Variants in JMJD1C observed in about 807,000 individuals in gnomAD.
JMJD1C encodes the protein jumonji domain containing 1C, also known as jumonji domain-containing protein 1C.
A neutral mutation model predicts 245.3 loss-of-function variants in JMJD1C; 31 were observed. The ratio of observed to expected loss-of-function variants is 0.13; its 90% confidence interval spans 0.09 to 0.17. The LOEUF (loss-of-function observed/expected upper bound fraction) is 0.17, where lower values mean the gene tolerates loss of function less well. JMJD1C is among the 10% of genes least tolerant of loss of function. JMJD1C has a pLI of 1.00. For missense variants in JMJD1C, 2,691 were observed against 3,000.2 expected (o/e 0.90, Z 2.41); for synonymous variants, 1,057 against 1,017.4 (o/e 1.04, Z -0.74).
At chr10:63,301,319 A>G (rs2133991035) in intron 2 of JMJD1C, among the ~76,000 whole-genome samples, 1 of 152,320 alleles carries the variant, frequency 6.6e-6, no homozygotes, top group African/African-American at 2.4e-5. Flanking sequence ...CCAGCCTCTG[A>G]GAATCTTTCT....
At chr10:63,211,008 C>G (rs10761724) in intron 8 of JMJD1C, among the ~76,000 whole-genome samples, 149,998 of 152,332 alleles carry the variant, frequency 0.98, 73,884 homozygotes, top group Middle Eastern at 1. Flanking sequence ...CAACTGTGGG[C>G]ATCACTGGTG....
chr10:63,469,559 T>G (rs1953423326), upstream of JMJD1C, among the ~76,000 whole-genome samples: 1 of 152,228 alleles, frequency 6.6e-6, no homozygotes, highest in Non-Finnish European at 1.5e-5. Flanking sequence ...GGTCACATCC[T>G]GCAAGGTTCT....
At chr10:63,284,834 T>C (rs1039322250) in intron 2 of JMJD1C, among the ~76,000 whole-genome samples, 1 of 148,736 alleles carries the variant, frequency 6.7e-6, no homozygotes, top group Non-Finnish European at 1.5e-5. Context: ...GTGCACAAGA[T>C]GCCATTCCCT....
chr10:63,170,144 T>C (rs1842216081), intron 24 of JMJD1C, among the ~76,000 whole-genome samples: 1 of 152,198 alleles, frequency 6.6e-6, no homozygotes, highest in African/African-American at 2.4e-5. Context: ...TTTTTTTATA[T>C]AATTTATTGA....
At chr10:63,509,074 GTTCT>G (rs1433195897) in intron 1 of JMJD1C, among the ~76,000 whole-genome samples, 1 of 152,162 alleles carries the variant, frequency 6.6e-6, no homozygotes, top group African/African-American at 2.4e-5. Flanking sequence ...TTTTTTAGAT[GTTCT>G]TTATCAGGTA....
intron 2 of JMJD1C, among the ~76,000 whole-genome samples, chr10:63,285,049 A>G (rs1470167530): frequency 6.6e-6 from 1 of 152,222 alleles, no homozygotes; most frequent in Admixed American, 6.5e-5. Flanking sequence ...ACATGGAAAT[A>G]AAGTGCAAAC....
Position 63,219,953 on chromosome 10 carries a change from T to G in JMJD1C, c.478A>C (p.Arg160=). 2.5e-6 allele frequency: 4 copies of G among 1,613,500 alleles called. No individual in the cohort carries two copies. The highest frequency in any genetic ancestry group is 3.4e-6 in the Non-Finnish European group (4 of 1,179,462). The change falls in exon 4 of 26, where the codon AGG becomes CGG. Residue 160 remains arginine (R), a synonymous_variant. Transcript: ENST00000399262. ...TCCTCATGAAGCTGCGGGTTGTCCC[T>G]GAGAACTGGGTTTAGGCTGTCTATG... ...DDIDSLNPVL[R]DNPQLHEEVK...
chr10:63,189,959 C>T (rs1844578081), intron 17 of JMJD1C, among the ~76,000 whole-genome samples: 1 of 150,522 alleles, frequency 6.6e-6, no homozygotes, highest in Non-Finnish European at 1.5e-5. Context: ...GGTGTGATCT[C>T]AGCTCACTAC....
chr10:63,177,841 A>C lies in JMJD1C; in HGVS notation c.7100T>G (p.Phe2367Cys). ...ILSKAGILKK[F>C]EEEDLDDILR... The stretch of plus-strand genomic sequence containing the variant: ...AATGTCATCCAAATCTTCTTCCTCA[A>C]ATTTCTTGAGAATTCCTGAAACAAA... The change falls in exon 23 of 26, where the codon TTT becomes TGT. Residue 2367 changes from phenylalanine (F) to cysteine (C), a missense_variant. By Grantham distance (205) the Phe-to-Cys change is radical. Coordinates refer to ENST00000399262, the MANE Select transcript of JMJD1C (RefSeq NM_032776.3). The C allele has an allele frequency of 6.2e-7, 1 of 1,611,888 alleles. No individual in the cohort carries two copies. The highest frequency in any genetic ancestry group is 2.2e-5 in the East Asian group (1 of 44,864).
At chr10:63,390,933 CAA>C (rs1948002604) in intron 1 of JMJD1C, among the ~76,000 whole-genome samples, 1 of 151,884 alleles carries the variant, frequency 6.6e-6, no homozygotes, top group Non-Finnish European at 1.5e-5. Flanking sequence ...AGAACTGGAA[CAA>C]AACAAAAAAG....
intron 1 of JMJD1C, among the ~76,000 whole-genome samples, chr10:63,506,015 T>A (rs777482179): frequency 6.6e-6 from 1 of 152,138 alleles, no homozygotes; most frequent in Non-Finnish European, 1.5e-5. Flanking sequence ...TACAGCAGTA[T>A]CCTTCTATTT....
At chr10:63,206,215 A>T (rs1217142225) in intron 10 of JMJD1C, among the ~76,000 whole-genome samples, 6 of 152,180 alleles carry the variant, frequency 3.9e-5, no homozygotes, top group African/African-American at 1.4e-4. Flanking sequence ...GTTAGAGGTA[A>T]ATATCTTAGC....
At chr10:63,297,666 G>C (rs893295053) in intron 2 of JMJD1C, among the ~76,000 whole-genome samples, 1 of 152,056 alleles carries the variant, frequency 6.6e-6, no homozygotes, top group African/African-American at 2.4e-5. Flanking sequence ...CAGAGCTTCC[G>C]TAACACTACA....
intron 16 of JMJD1C, among the ~76,000 whole-genome samples, chr10:63,191,483 T>C (rs1844790793): frequency 6.6e-6 from 1 of 152,192 alleles, no homozygotes. Flanking sequence ...CAGACAAAAC[T>C]GGCCCCAGCA....
intron 8 of JMJD1C, among the ~76,000 whole-genome samples, chr10:63,210,942 A>G (rs1364804953): frequency 1.3e-5 from 2 of 152,214 alleles, no homozygotes; most frequent in African/African-American, 4.8e-5. Flanking sequence ...CAATGGCAGC[A>G]TAATTCTGGA....
At position 63,397,590 on chromosome 10, in the gene JMJD1C, G is replaced by A. The variant is rs146064718; in HGVS notation, c.169-17108C>T. ...CTCTTGTCACCCAGGCTGGAGTACAGTGGCACAATCACGGTTCATTGCAGC... is the reference window on the plus strand; with the variant it reads ...CTCTTGTCACCCAGGCTGGAGTACAATGGCACAATCACGGTTCATTGCAGC... On this transcript the variant is annotated intron_variant, in intron 1 of 25. Transcript: ENST00000399262. Among the ~76,000 whole-genome samples the A allele has an allele frequency of 5.9e-3, 895 of 152,104 alleles. 7 individuals are homozygous for A. The highest frequency in any genetic ancestry group is 0.016 in the African/African-American group (665 of 41,466).
intron 2 of JMJD1C, among the ~76,000 whole-genome samples, chr10:63,305,674 G>A (rs1938098464): frequency 7.8e-6 from 1 of 127,566 alleles, no homozygotes; most frequent in Admixed American, 7.9e-5. Flanking sequence ...GTGTGTGTGT[G>A]TGTGTGTGTT....
chr10:63,189,502 T>C (rs996325220), intron 17 of JMJD1C, 56 bp from the exon 18 acceptor site: 32 of 1,457,750 alleles, frequency 2.2e-5, no homozygotes, highest in Middle Eastern at 2.1e-4. Flanking sequence ...ATCAAATACA[T>C]TTTCCTCCCA....
intron 3 of JMJD1C, among the ~76,000 whole-genome samples, chr10:63,235,841 C>T (rs895399547): frequency 2.6e-5 from 4 of 152,126 alleles, no homozygotes; most frequent in African/African-American, 4.8e-5. Context: ...ATGCTCTCTG[C>T]TAGGTTTTCA....
Sources: allele counts gnomAD v4.1 joint callset (sites outside exome capture counted in the v4.1 genomes callset), GRCh38; gene constraint gnomAD v4.1.1; transcripts MANE v1.5; gene names NCBI Gene and HGNC (gene_info 2026-07-23, HGNC 2026-07-21).